DNER: variants seen among roughly 807,000 people sequenced by gnomAD.
The protein encoded by DNER is delta/notch like EGF repeat containing, also known as delta and Notch-like epidermal growth factor-related receptor.
Under a neutral mutation model 78.2 loss-of-function variants are expected in DNER, and 33 were observed. That is an observed-to-expected ratio of 0.42 (90% CI 0.32 to 0.56). DNER has a LOEUF of 0.56. Among genes scored for constraint, DNER ranks in the 20% least tolerant of loss-of-function variants. The pLI is 0.11. For missense variants in DNER, 918 were observed against 975.3 expected, an observed-to-expected ratio of 0.94 and a Z score of 0.78; for synonymous variants, 417 against 384.8, an observed-to-expected ratio of 1.08 and a Z score of -0.98.
intron 7 of DNER, among the ~76,000 whole-genome samples, chr2:229,453,144 A>G (rs1038277704): frequency 1.3e-5 from 2 of 152,244 alleles, no homozygotes; most frequent in African/African-American, 4.8e-5. Context: ...TGAAAGAAAG[A>G]TATTAATGCT....
chr2:229,546,713 G>A (rs1696631397), intron 5 of DNER, among the ~76,000 whole-genome samples: 1 of 152,140 alleles, frequency 6.6e-6, no homozygotes, highest in Non-Finnish European at 1.5e-5. Flanking sequence ...TCCAGCCTGG[G>A]CAACAGAGCG....
intron 1 of DNER, among the ~76,000 whole-genome samples, chr2:229,607,888 G>T (rs1407039883): frequency 6.6e-6 from 1 of 151,978 alleles, no homozygotes; most frequent in South Asian, 2.1e-4. Flanking sequence ...CGGGCATGGT[G>T]GTACATGTAT....
At chr2:229,594,430 TACAAAA>T (rs1387153705) in intron 1 of DNER, among the ~76,000 whole-genome samples, 1 of 152,002 alleles carries the variant, frequency 6.6e-6, no homozygotes, top group African/African-American at 2.4e-5. Flanking sequence ...CTACTAAAAA[TACAAAA>T]ATTAGTCGGG....
chr2:229,701,038 A>G (rs1351820702), intron 1 of DNER, among the ~76,000 whole-genome samples: 1 of 152,272 alleles, frequency 6.6e-6, no homozygotes, highest in South Asian at 2.1e-4. Flanking sequence ...ATATGCTTAT[A>G]CATACCAAGA....
chr2:229,684,357 C>T (rs1699448809), intron 1 of DNER, among the ~76,000 whole-genome samples: 1 of 151,908 alleles, frequency 6.6e-6, no homozygotes, highest in African/African-American at 2.4e-5. Flanking sequence ...CGAGCACCCA[C>T]CATTCCACCC....
intron 9 of DNER, 77 bp downstream of exon 9, chr2:229,418,031 G>C: frequency 1.2e-6 from 2 of 1,604,774 alleles, no homozygotes; most frequent in Non-Finnish European, 1.7e-6. Flanking sequence ...CCAATTAGAG[G>C]TTTATGCATT....
At chr2:229,575,127 T>A (rs936045336) in intron 4 of DNER, among the ~76,000 whole-genome samples, 1 of 152,304 alleles carries the variant, frequency 6.6e-6, no homozygotes, top group African/African-American at 2.4e-5. Context: ...TTTCATAAAT[T>A]AACCTGTAAA....
chr2:229,677,977 T>C (rs910411499), intron 1 of DNER, among the ~76,000 whole-genome samples: 2 of 152,166 alleles, frequency 1.3e-5, no homozygotes, highest in Non-Finnish European at 2.9e-5. Context: ...TCTCAGTACA[T>C]GGGGAAAGAA....
intron 6 of DNER, among the ~76,000 whole-genome samples, chr2:229,497,567 A>C (rs1174849412): frequency 1.3e-5 from 2 of 152,126 alleles, no homozygotes; most frequent in African/African-American, 4.8e-5. Flanking sequence ...CAAAGTAAAA[A>C]AGAAGACTTA....
chr2:229,628,416 TG>T (rs1698381094), intron 1 of DNER, among the ~76,000 whole-genome samples: 1 of 152,184 alleles, frequency 6.6e-6, no homozygotes, highest in South Asian at 2.1e-4. Flanking sequence ...AACTAAGTTT[TG>T]GGGTAATTTG....
rs767902270 is a variant in DNER at position 229,591,637 on chromosome 2, A to C, written c.528T>G (p.Pro176=). The change falls in exon 2 of 13, where the codon CCT becomes CCG. Residue 176 remains proline, a synonymous_variant. Transcript: ENST00000341772. The surrounding 1 kb of genome is among the most constrained non-coding windows in gnomAD (Gnocchi z 4.6). ...LPRSQATVTL[P]TWQPKTGQKV... ...TCTGCCCTGTTTTCGGCTGCCAGGT[A>C]GGCAGTGTCACCGTTGCCTGAGAGC... The C allele has an allele frequency of 3.1e-6, 5 of 1,614,040 alleles. No individual in the cohort carries two copies. The East Asian group carries it at 1.1e-4, about 36-fold the overall frequency.
At chr2:229,414,024 TC>T in intron 9 of DNER, among the ~76,000 whole-genome samples, 1 of 151,710 alleles carries the variant, frequency 6.6e-6, no homozygotes, top group East Asian at 1.9e-4. Flanking sequence ...AAAATGTCCA[TC>T]CCCCCACGGA....
intron 7 of DNER, among the ~76,000 whole-genome samples, chr2:229,467,214 T>C (rs888061176): frequency 6.6e-6 from 1 of 152,136 alleles, no homozygotes. Context: ...ATAGAAATTA[T>C]AATTAAATGT....
chr2:229,669,337 C>T (rs547615895), intron 1 of DNER, among the ~76,000 whole-genome samples: 2 of 149,570 alleles, frequency 1.3e-5, no homozygotes, highest in African/African-American at 5.0e-5. Context: ...GCACGTTCCG[C>T]ACATGTATCC....
At chr2:229,371,361 A>C (rs1441197036) in intron 11 of DNER, among the ~76,000 whole-genome samples, 1 of 152,222 alleles carries the variant, frequency 6.6e-6, no homozygotes, top group Non-Finnish European at 1.5e-5. Flanking sequence ...TGTTTGCTAC[A>C]GCATGGCACT....
chr2:229,710,983 G>GCGCGCA (rs1553555262), intron 1 of DNER, among the ~76,000 whole-genome samples: 1,400 of 139,806 alleles, frequency 0.01, 8 homozygotes, highest in Non-Finnish European at 0.014. Flanking sequence ...GCATACACGC[G>GCGCGCA]CACACACACA....
intron 5 of DNER, among the ~76,000 whole-genome samples, chr2:229,529,686 T>C (rs2154212784): frequency 6.6e-6 from 1 of 151,978 alleles, no homozygotes; most frequent in East Asian, 1.9e-4. Context: ...AAGGTAAAGG[T>C]AAAATGCTAA....
intron 7 of DNER, among the ~76,000 whole-genome samples, chr2:229,468,001 C>T (rs970617529): frequency 2.6e-5 from 4 of 152,178 alleles, no homozygotes; most frequent in African/African-American, 9.7e-5. Context: ...GACAGTGGCA[C>T]AGGGGGATAA....
chr2:229,487,682 G>A (rs1399323941), intron 6 of DNER, among the ~76,000 whole-genome samples: 2 of 152,130 alleles, frequency 1.3e-5, no homozygotes, highest in South Asian at 4.2e-4. Context: ...TCTAAAGAAG[G>A]TATTCATTCA....
Sources: gnomAD v4.1 joint callset for allele counts (sites outside exome capture counted in the v4.1 genomes callset) on GRCh38, gnomAD v4.1.1 for gene constraint, Gnocchi (gnomAD v3.1) non-coding constraint, MANE v1.5 for transcripts, NCBI Gene and HGNC (gene_info 2026-07-23, HGNC 2026-07-21) for gene names.